The following CPNE4 variants were observed in gnomAD, a reference collection of about 807,000 sequenced individuals.
CPNE4 encodes copine-4.
In CPNE4, 25 loss-of-function variants were observed where a neutral mutation model predicts 67.9. The observed-to-expected ratio is 0.37, with a 90% CI of 0.27 to 0.51. The LOEUF is 0.51. Ranked by LOEUF, CPNE4 falls within the 20% of genes least tolerant of loss-of-function variation. CPNE4 has a pLI of 0.93. For synonymous variants in CPNE4, 242 were observed against 244.9 expected, an observed-to-expected ratio of 0.99 and a Z score of 0.11; for missense variants, 464 against 690.8, an observed-to-expected ratio of 0.67 and a Z score of 3.68.
intron 5 of CPNE4, among the ~76,000 whole-genome samples, chr3:131,687,965 G>A (rs939666784): frequency 6.6e-6 from 1 of 152,180 alleles, no homozygotes; most frequent in Non-Finnish European, 1.5e-5. Context: ...ATAGCCTAGG[G>A]AAGCATAGGG....
chr3:132,007,878 G>C (rs7647029), intron 1 of CPNE4, among the ~76,000 whole-genome samples: 1 of 151,970 alleles, frequency 6.6e-6, no homozygotes. Flanking sequence ...CACTGCACCC[G>C]TCTTCCCTAA....
intron 7 of CPNE4, among the ~76,000 whole-genome samples, chr3:131,628,108 C>T (rs896432098): frequency 1.3e-5 from 2 of 152,090 alleles, no homozygotes; most frequent in African/African-American, 4.8e-5. Context: ...ACGGGGCAAA[C>T]GTAATCGTTA....
chr3:131,698,007 G>A (rs992961443), intron 4 of CPNE4, among the ~76,000 whole-genome samples: 1 of 151,818 alleles, frequency 6.6e-6, no homozygotes, highest in Non-Finnish European at 1.5e-5. Flanking sequence ...TGAGGCGGGC[G>A]GATCACGAGG....
At chr3:131,969,155 A>G (rs1038519222) in intron 1 of CPNE4, among the ~76,000 whole-genome samples, 6 of 152,014 alleles carry the variant, frequency 3.9e-5, no homozygotes, top group East Asian at 1.9e-4. Context: ...GAGTTGAACA[A>G]TGAGAACACA....
At chr3:131,797,944 G>A (rs73222317) in intron 2 of CPNE4, among the ~76,000 whole-genome samples, 24,599 of 152,038 alleles carry the variant, frequency 0.16, 2,343 homozygotes, top group African/African-American at 0.26. Context: ...ATAGGTACCC[G>A]CCAATTTGGT....
intron 12 of CPNE4, among the ~76,000 whole-genome samples, chr3:131,555,175 T>C (rs1936394791): frequency 6.6e-6 from 1 of 152,018 alleles, no homozygotes; most frequent in African/African-American, 2.4e-5. Flanking sequence ...CTAGGGGATA[T>C]ACGAGTGAAT....
chr3:131,805,782 C>T (rs1298435642), intron 2 of CPNE4, among the ~76,000 whole-genome samples: 9 of 152,130 alleles, frequency 5.9e-5, no homozygotes, highest in South Asian at 4.1e-4. Flanking sequence ...CATTGCCTCA[C>T]GAGTTATATA....
At chr3:132,037,446 T>G, upstream of CPNE4, 1 of 798,088 alleles carries the variant, frequency 1.3e-6, no homozygotes, top group Non-Finnish European at 2.1e-6. Context: ...TGAAGATTTG[T>G]AACCAGCTAA....
At chr3:131,608,171 C>G (rs1939617702) in intron 7 of CPNE4, among the ~76,000 whole-genome samples, 1 of 152,004 alleles carries the variant, frequency 6.6e-6, no homozygotes, top group Admixed American at 6.6e-5. Flanking sequence ...TGAGTGCCTA[C>G]TATGTATAAA....
At chr3:131,926,163 G>A (rs1560612616) in intron 1 of CPNE4, among the ~76,000 whole-genome samples, 1 of 152,176 alleles carries the variant, frequency 6.6e-6, no homozygotes, top group East Asian at 1.9e-4. Flanking sequence ...AGAGAAAGAA[G>A]AGGCAGGTGT....
At chr3:131,729,559 C>T (rs1196730233) in intron 2 of CPNE4, among the ~76,000 whole-genome samples, 1 of 152,168 alleles carries the variant, frequency 6.6e-6, no homozygotes, top group Non-Finnish European at 1.5e-5. Context: ...AGTTGCAGAT[C>T]TCAAAATCAC....
intron 1 of CPNE4, among the ~76,000 whole-genome samples, chr3:131,939,453 A>G (rs1461061629): frequency 1.3e-5 from 2 of 152,168 alleles, no homozygotes; most frequent in East Asian, 3.8e-4. Flanking sequence ...CTTATGAAGA[A>G]AAGGAGAAGT....
chr3:131,792,515 T>G (rs893234536), intron 2 of CPNE4, among the ~76,000 whole-genome samples: 1 of 149,690 alleles, frequency 6.7e-6, no homozygotes, highest in Non-Finnish European at 1.5e-5. Flanking sequence ...ACCTGATCTC[T>G]CTCCTAAGTT....
chr3:131,695,560 T>C (rs2081134447), intron 5 of CPNE4, among the ~76,000 whole-genome samples: 4 of 152,220 alleles, frequency 2.6e-5, no homozygotes, highest in Admixed American at 2.6e-4. Flanking sequence ...TGGCTTATAA[T>C]AGCACCAGGG....
At chr3:132,003,168 C>T (rs986456018) in intron 1 of CPNE4, among the ~76,000 whole-genome samples, 5 of 152,048 alleles carry the variant, frequency 3.3e-5, no homozygotes, top group Admixed American at 1.3e-4. Context: ...ATATGGCTTG[C>T]GTATGCATTG....
chr3:131,976,887 T>C (rs981115999), intron 1 of CPNE4, among the ~76,000 whole-genome samples: 1 of 152,000 alleles, frequency 6.6e-6, no homozygotes, highest in African/African-American at 2.4e-5. Context: ...TTGCAATCTC[T>C]GCCTCCAGGG....
chr3:132,027,824 TTAATGA>T (rs10575839), intron 1 of CPNE4, among the ~76,000 whole-genome samples: 101,591 of 151,614 alleles, frequency 0.67, 34,817 homozygotes, highest in South Asian at 0.74. Context: ...TTCTTTGTCT[TTAATGA>T]TAATGATAAA....
chr3:131,542,821 G>C lies in CPNE4; in HGVS notation c.1303-28C>G, dbSNP rs768577212. ...GCAGTCAGATGCCCCATGATGATGG[G>C]GGGGGGTGAAGAGGTGAGGGAGACA... On this transcript the variant is annotated intron_variant, in intron 14 of 15. Transcript: ENST00000429747. 1.2e-4 allele frequency: 185 copies of C among 1,492,528 alleles called. 2 individuals carry two copies. The South Asian group carries it at 1.7e-3, about 14-fold the overall frequency. The allele number at this position is 1,492,528 out of a possible 1,614,324, so 92.5% of individuals were successfully genotyped here.
chr3:131,794,994 T>C (rs932540978), intron 2 of CPNE4, among the ~76,000 whole-genome samples: 1 of 152,238 alleles, frequency 6.6e-6, no homozygotes, highest in Non-Finnish European at 1.5e-5. Context: ...CTGCCATCTG[T>C]CGTGGCTTAG....
Sources: allele counts gnomAD v4.1 joint callset (sites outside exome capture counted in the v4.1 genomes callset), GRCh38; gene constraint gnomAD v4.1.1; transcripts MANE v1.5; gene names NCBI Gene and HGNC (gene_info 2026-07-23, HGNC 2026-07-21).